Variants in NCOA2 observed in about 807,000 individuals in gnomAD.
NCOA2 encodes the protein class E basic helix-loop-helix protein 75.
NCOA2 carries 21 observed loss-of-function variants against 145.1 expected under a neutral mutation model. The observed-to-expected ratio is 0.14, with a 90% CI of 0.10 to 0.21. The LOEUF is 0.21. Among genes scored for constraint, NCOA2 ranks in the 10% least tolerant of loss-of-function variants. The pLI, the probability that NCOA2 is intolerant of heterozygous loss-of-function variation, is 1.00. For missense variants in NCOA2, 1,472 were observed against 1,837.6 expected, an observed-to-expected ratio of 0.80 and a Z score of 3.64; for synonymous variants, 619 against 637.5, an observed-to-expected ratio of 0.97 and a Z score of 0.44.
At chr8:70,226,266 G>T (rs537729673) in intron 2 of NCOA2, among the ~76,000 whole-genome samples, 1 of 152,140 alleles carries the variant, frequency 6.6e-6, no homozygotes, top group Non-Finnish European at 1.5e-5. Flanking sequence ...AAGAGGGAAA[G>T]AACAGGAGGG....
intron 2 of NCOA2, among the ~76,000 whole-genome samples, chr8:70,276,080 A>C (rs1825443161): frequency 1.3e-5 from 2 of 152,204 alleles, no homozygotes; most frequent in African/African-American, 4.8e-5. Flanking sequence ...TTTGCTGTTA[A>C]TTTTAATGGA....
At chr8:70,286,935 T>G (rs1293221128) in intron 2 of NCOA2, among the ~76,000 whole-genome samples, 1 of 152,146 alleles carries the variant, frequency 6.6e-6, no homozygotes, top group Non-Finnish European at 1.5e-5. Context: ...AAACAAAAAC[T>G]GTCCAATATA....
At chr8:70,261,977 A>C (rs894895821) in intron 2 of NCOA2, among the ~76,000 whole-genome samples, 2 of 152,134 alleles carry the variant, frequency 1.3e-5, no homozygotes, top group East Asian at 3.9e-4. Context: ...GATAAATCTA[A>C]GTCTTCATTT....
At chr8:70,314,711 C>T in intron 1 of NCOA2, among the ~76,000 whole-genome samples, 1 of 152,134 alleles carries the variant, frequency 6.6e-6, no homozygotes, top group South Asian at 2.1e-4. Flanking sequence ...TGTTTTTCAG[C>T]AACTGCTATG....
At chr8:70,313,751 C>A (rs571051981) in intron 1 of NCOA2, among the ~76,000 whole-genome samples, 22 of 152,304 alleles carry the variant, frequency 1.4e-4, no homozygotes, top group Admixed American at 2.0e-4. Context: ...ATATTTCAGT[C>A]ACTTCCTAAT....
chr8:70,354,240 A>T (rs1809487475), intron 1 of NCOA2, among the ~76,000 whole-genome samples: 1 of 152,226 alleles, frequency 6.6e-6, no homozygotes, highest in Admixed American at 6.5e-5. Context: ...AGTTATTTTT[A>T]AAAATCACCA....
chr8:70,285,526 G>A (rs964972472), intron 2 of NCOA2, among the ~76,000 whole-genome samples: 15 of 152,224 alleles, frequency 9.9e-5, no homozygotes, highest in Non-Finnish European at 1.6e-4. Flanking sequence ...CGCACATGGC[G>A]AAGAACACTG....
chr8:70,112,636 G>C lies in NCOA2; in HGVS notation c.*996C>G, dbSNP rs546312028. The C allele has an allele frequency of 4.8e-4, 97 of 201,212 alleles. 1 individual carries two copies. The South Asian group carries it at 0.017, about 36-fold the overall frequency. The allele number at this position is 201,212 out of a possible 1,614,324, so 12.5% of individuals were successfully genotyped here. A position where few individuals can be genotyped will look rare whatever the true frequency, so the allele number is the denominator to read the frequency against. ...CTTAACTTTGCTCTTCTCCTTGCCA[G>C]TAAATGCATTTTTTTTTTCTGAAAT... On this transcript the variant is annotated 3_prime_UTR_variant, in exon 23 of 23. Transcript: ENST00000452400.
At chr8:70,229,581 T>C (rs972431085) in intron 2 of NCOA2, among the ~76,000 whole-genome samples, 5 of 152,122 alleles carry the variant, frequency 3.3e-5, no homozygotes, top group African/African-American at 1.2e-4. Flanking sequence ...GGGATGACCA[T>C]GGGATCCGGG....
chr8:70,420,713 C>CT, the NCOA2 span, among the ~76,000 whole-genome samples: 2 of 152,176 alleles, frequency 1.3e-5, no homozygotes, highest in Admixed American at 1.3e-4. Flanking sequence ...GGCGCGATCT[C>CT]TGCTCTCTGC....
chr8:70,405,749 G>A (rs1814759315), upstream of NCOA2, among the ~76,000 whole-genome samples: 1 of 152,074 alleles, frequency 6.6e-6, no homozygotes, highest in African/African-American at 2.4e-5. Context: ...GAAGTCCAGA[G>A]TCTATCAGTC....
chr8:70,207,072 T>C (rs765070155), intron 4 of NCOA2, among the ~76,000 whole-genome samples: 2 of 152,212 alleles, frequency 1.3e-5, no homozygotes, highest in Non-Finnish European at 2.9e-5. Flanking sequence ...TACTTACTGA[T>C]TGCTGGATTT....
At chr8:70,200,665 G>T (rs143365667) in intron 4 of NCOA2, among the ~76,000 whole-genome samples, 8 of 152,288 alleles carry the variant, frequency 5.3e-5, no homozygotes, top group Middle Eastern at 3.4e-3. Flanking sequence ...AAATGAGCCA[G>T]TCACAGAAGG....
intron 4 of NCOA2, among the ~76,000 whole-genome samples, chr8:70,201,922 G>C (rs998107498): frequency 6.6e-6 from 1 of 152,108 alleles, no homozygotes; most frequent in Non-Finnish European, 1.5e-5. Context: ...CCTCCTTCCT[G>C]TACCTTAGAA....
chr8:70,136,311 G>A (rs1442132429), intron 15 of NCOA2, among the ~76,000 whole-genome samples: 9 of 151,800 alleles, frequency 5.9e-5, no homozygotes, highest in Admixed American at 2.6e-4. Flanking sequence ...GCAGTGAGCC[G>A]AGACCACACC....
At chr8:70,281,427 G>A (rs920446128) in intron 2 of NCOA2, among the ~76,000 whole-genome samples, 2 of 149,840 alleles carry the variant, frequency 1.3e-5, no homozygotes, top group African/African-American at 4.9e-5. Context: ...CTCTGCAGTT[G>A]CATTAACTTA....
intron 2 of NCOA2, among the ~76,000 whole-genome samples, chr8:70,266,145 G>A (rs556916314): frequency 2.9e-4 from 44 of 151,996 alleles, no homozygotes; most frequent in East Asian, 9.7e-4. Flanking sequence ...GTGAGACTCC[G>A]TCTCAAAAAC....
In NCOA2 at chr8:70,358,327, C is replaced by G. The variant is rs573814216; in HGVS notation, c.-77+45373G>C. On this transcript the variant is annotated intron_variant, in intron 1 of 22. Transcript: ENST00000452400. ...TCAAAACAATATTGAAAAAGAAGAA[C>G]AAAGTTGAAGAACTCATATTTCTTG... 5.3e-5 allele frequency among the ~76,000 whole-genome samples: 8 copies of G among 152,168 alleles called. No homozygotes were observed. The East Asian group carries it at 1.5e-3, about 29-fold the overall frequency.
chr8:70,441,750 G>T, the NCOA2 span, among the ~76,000 whole-genome samples: 7 of 140,560 alleles, frequency 5.0e-5, no homozygotes, highest in Non-Finnish European at 1.1e-4. Flanking sequence ...ACAGGAAAGA[G>T]AGAAAGAAAG....
Sources: allele counts gnomAD v4.1 joint callset (sites outside exome capture counted in the v4.1 genomes callset), GRCh38; gene constraint gnomAD v4.1.1; transcripts MANE v1.5; gene names NCBI Gene and HGNC (gene_info 2026-07-23, HGNC 2026-07-21).